CACNA2D3: variants seen among roughly 807,000 people sequenced by gnomAD.
CACNA2D3 encodes voltage-dependent calcium channel subunit alpha-2/delta-3.
Under a neutral mutation model 160.6 loss-of-function variants are expected in CACNA2D3, and 60 were observed. The observed-to-expected ratio is 0.37, with a 90% CI of 0.30 to 0.46. CACNA2D3 has a LOEUF of 0.46. CACNA2D3 is among the 20% of genes least tolerant of loss of function. The pLI is 1.00. For missense variants in CACNA2D3, 1,205 were observed against 1,365.0 expected (o/e 0.88, Z 1.85); for synonymous variants, 558 against 492.9 (o/e 1.13, Z -1.75).
chr3:54,320,658 C>T (rs1288626741), intron 3 of CACNA2D3, 100 bp downstream of exon 3: 1 of 585,086 alleles, frequency 1.7e-6, no homozygotes, highest in Non-Finnish European at 3.0e-6. Context: ...AAAGTTGACT[C>T]ACGCATCTAT....
intron 14 of CACNA2D3, among the ~76,000 whole-genome samples, chr3:54,818,514 A>C (rs935183354): frequency 4.6e-5 from 7 of 152,220 alleles, no homozygotes; most frequent in African/African-American, 1.7e-4. Context: ...ACAAAGCAAC[A>C]CAGAATACAG....
intron 35 of CACNA2D3, among the ~76,000 whole-genome samples, chr3:55,033,192 C>T (rs1703716553): frequency 6.6e-6 from 1 of 152,086 alleles, no homozygotes; most frequent in East Asian, 1.9e-4. Flanking sequence ...AGTAGTTAGT[C>T]CTGATGCTTA....
intron 2 of CACNA2D3, among the ~76,000 whole-genome samples, chr3:54,251,405 G>A (rs1243734223): frequency 6.6e-6 from 1 of 152,206 alleles, no homozygotes; most frequent in African/African-American, 2.4e-5. Flanking sequence ...CAGATAACAA[G>A]TATATCTGTA....
At chr3:54,298,235 C>T (rs1366338223) in intron 2 of CACNA2D3, among the ~76,000 whole-genome samples, 2 of 152,118 alleles carry the variant, frequency 1.3e-5, no homozygotes, top group East Asian at 1.9e-4. Flanking sequence ...GACCTCTACA[C>T]GAAAGAATTG....
intron 2 of CACNA2D3, among the ~76,000 whole-genome samples, chr3:54,204,158 A>G (rs758121974): frequency 2.0e-4 from 30 of 151,866 alleles, no homozygotes; most frequent in Non-Finnish European, 4.1e-4. Flanking sequence ...GGGTCTCCAG[A>G]CTTGGTCCGA....
chr3:54,803,206 C>CTGGAT (rs1703036041), intron 13 of CACNA2D3, among the ~76,000 whole-genome samples: 1 of 152,050 alleles, frequency 6.6e-6, no homozygotes, highest in African/African-American at 2.4e-5. Context: ...CAAAGCTGGA[C>CTGGAT]GGAGAATGAC....
At chr3:54,745,396 G>C (rs527847274) in intron 11 of CACNA2D3, among the ~76,000 whole-genome samples, 125 of 152,124 alleles carry the variant, frequency 8.2e-4, no homozygotes, top group Middle Eastern at 3.4e-3. Context: ...CTGTGGATTG[G>C]TTGGTTTGTG....
intron 27 of CACNA2D3, chr3:54,918,332 C>CTTTTTTTTCTTTT (rs1700718361): frequency 9.0e-6 from 2 of 222,324 alleles, no homozygotes; most frequent in African/African-American, 3.7e-5. Flanking sequence ...TTTTTTTTTT[C>CTTTTTTTTCTTTT]TTTTTTTTTT....
At chr3:54,285,417 A>C in intron 2 of CACNA2D3, among the ~76,000 whole-genome samples, 1 of 152,144 alleles carries the variant, frequency 6.6e-6, no homozygotes, top group Non-Finnish European at 1.5e-5. Flanking sequence ...TGATTAGGTA[A>C]ACAAAACAGC....
At chr3:54,765,474 C>G (rs1054762753) in intron 13 of CACNA2D3, among the ~76,000 whole-genome samples, 1 of 152,176 alleles carries the variant, frequency 6.6e-6, no homozygotes, top group Non-Finnish European at 1.5e-5. Flanking sequence ...AGTCTGTCCC[C>G]AGTTTGGTTT....
intron 27 of CACNA2D3, among the ~76,000 whole-genome samples, chr3:54,956,448 T>C (rs532031460): frequency 3.9e-5 from 6 of 152,198 alleles, no homozygotes; most frequent in Non-Finnish European, 8.8e-5. Flanking sequence ...TCTTTGTCTT[T>C]TAAAGGCCAG....
chr3:54,503,876 C>A (rs1185505302), intron 5 of CACNA2D3, among the ~76,000 whole-genome samples: 1 of 152,192 alleles, frequency 6.6e-6, no homozygotes, highest in Non-Finnish European at 1.5e-5. Context: ...TTACATCAGG[C>A]TCTCTAACAT....
At chr3:54,963,465 T>C (rs941841243) in intron 27 of CACNA2D3, among the ~76,000 whole-genome samples, 9 of 152,224 alleles carry the variant, frequency 5.9e-5, no homozygotes, top group African/African-American at 2.2e-4. Context: ...TACGGAGCAC[T>C]TGACATCTAA....
chr3:54,640,039 C>G (rs891978042), intron 10 of CACNA2D3, among the ~76,000 whole-genome samples: 10 of 152,228 alleles, frequency 6.6e-5, no homozygotes, highest in Admixed American at 5.2e-4. Context: ...TCAGTTAAGG[C>G]AAGGACTGGC....
At chr3:54,307,116 G>C (rs1181366349) in intron 2 of CACNA2D3, among the ~76,000 whole-genome samples, 1 of 152,082 alleles carries the variant, frequency 6.6e-6, no homozygotes, top group African/African-American at 2.4e-5. Flanking sequence ...AGGCATTTGA[G>C]TTAGTGGTGT....
chr3:54,524,583 T>G (rs1247370093), intron 5 of CACNA2D3, among the ~76,000 whole-genome samples: 1 of 152,152 alleles, frequency 6.6e-6, no homozygotes, highest in Non-Finnish European at 1.5e-5. Context: ...AAGTGAGATA[T>G]TGAAGTCCTC....
intron 2 of CACNA2D3, among the ~76,000 whole-genome samples, chr3:54,164,859 A>C (rs2107302086): frequency 6.6e-6 from 1 of 152,288 alleles, no homozygotes; most frequent in East Asian, 1.9e-4. Flanking sequence ...TGATCAAGTT[A>C]GTTTCCCTTT....
chr3:54,674,474 G>A (rs554766695), intron 11 of CACNA2D3, among the ~76,000 whole-genome samples: 83 of 152,314 alleles, frequency 5.4e-4, no homozygotes, highest in African/African-American at 1.9e-3. Context: ...AAGGATGACC[G>A]GCAGTGGGGA....
At chr3:55,067,757 C>T (rs559068144) in intron 35 of CACNA2D3, among the ~76,000 whole-genome samples, 8 of 139,400 alleles carry the variant, frequency 5.7e-5, no homozygotes, top group East Asian at 2.4e-4. Flanking sequence ...AAAGACAGAG[C>T]GATAGATATA....
Sources: allele counts gnomAD v4.1 joint callset (sites outside exome capture counted in the v4.1 genomes callset), GRCh38; gene constraint gnomAD v4.1.1; transcripts MANE v1.5; gene names NCBI Gene and HGNC (gene_info 2026-07-23, HGNC 2026-07-21).